RAB27A: variants seen among roughly 807,000 people sequenced by gnomAD.
The protein encoded by RAB27A is RAB27A, member RAS oncogene family, also known as ras-related protein Rab-27A.
A neutral mutation model predicts 20.8 loss-of-function variants in RAB27A; 17 were observed. The observed-to-expected ratio is 0.82, with a 90% CI of 0.56 to 1.23. The LOEUF (loss-of-function observed/expected upper bound fraction) is 1.23. Among genes scored for constraint, RAB27A ranks in the 50% most tolerant of loss-of-function variants. The probability of loss-of-function intolerance (pLI) is 0.00; values close to 1 mark genes in which losing one functional copy is unlikely to be tolerated. For missense variants in RAB27A, 277 were observed against 266.7 expected (o/e 1.04, Z -0.27); for synonymous variants, 85 against 92.8 (o/e 0.92, Z 0.48).
At chr15:55,230,306 A>G (rs1468924215) in intron 4 of RAB27A, 95 bp downstream of exon 4, 22 of 1,223,930 alleles carry the variant, frequency 1.8e-5, no homozygotes, top group Non-Finnish European at 2.4e-5. Flanking sequence ...AAACCAACGA[A>G]TTGGCTGGCT....
upstream of RAB27A, chr15:55,319,121 T>C (rs2055100698): frequency 1.7e-6 from 2 of 1,152,984 alleles, no homozygotes; most frequent in Non-Finnish European, 2.4e-6. Context: ...GGGTGGGAGC[T>C]ACGAAGTTGC....
intron 1 of RAB27A, among the ~76,000 whole-genome samples, chr15:55,316,969 A>G (rs1217337894): frequency 6.6e-6 from 1 of 152,188 alleles, no homozygotes; most frequent in Non-Finnish European, 1.5e-5. Context: ...TGGTTCACAT[A>G]TCTACAAACA....
At chr15:55,281,315 CT>C (rs2141120625) in intron 1 of RAB27A, among the ~76,000 whole-genome samples, 1 of 152,302 alleles carries the variant, frequency 6.6e-6, no homozygotes, top group Admixed American at 6.5e-5. Flanking sequence ...CCTGGCTATT[CT>C]TCCGAAAGGA....
chr15:55,234,099 C>A (rs1215574912), intron 3 of RAB27A, among the ~76,000 whole-genome samples: 1 of 152,154 alleles, frequency 6.6e-6, no homozygotes, highest in Non-Finnish European at 1.5e-5. Context: ...ACTGGTTTAC[C>A]TGCTTCAGGC....
chr15:55,285,874 C>A (rs911446938), intron 1 of RAB27A, among the ~76,000 whole-genome samples: 1 of 152,344 alleles, frequency 6.6e-6, no homozygotes, highest in African/African-American at 2.4e-5. Flanking sequence ...CACTGAATGG[C>A]CCTGCCCAGT....
chr15:55,210,184 T>TATGTATGTGTGTATACATACACAC (rs746618477), intron 6 of RAB27A, among the ~76,000 whole-genome samples: 7 of 132,834 alleles, frequency 5.3e-5, no homozygotes, highest in Admixed American at 4.2e-4. Context: ...CGTACACACA[T>TATGTATGTGTGTATACATACACAC]ATGTATGTGT....
intron 2 of RAB27A, among the ~76,000 whole-genome samples, chr15:55,305,256 C>T (rs2054992054): frequency 6.6e-6 from 1 of 152,148 alleles, no homozygotes; most frequent in Admixed American, 6.5e-5. Flanking sequence ...GGTTGGCCGA[C>T]AACCATTCTA....
At chr15:55,266,880 G>A (rs1897510072) in intron 2 of RAB27A, among the ~76,000 whole-genome samples, 2 of 152,190 alleles carry the variant, frequency 1.3e-5, no homozygotes, top group Admixed American at 6.5e-5. Flanking sequence ...TGTTTAATTT[G>A]CATTTGGAAA....
At chr15:55,254,539 G>C (rs998646118) in intron 2 of RAB27A, among the ~76,000 whole-genome samples, 6 of 151,956 alleles carry the variant, frequency 3.9e-5, no homozygotes, top group Non-Finnish European at 5.9e-5. Context: ...TCTGATGCTT[G>C]TAAGCATTTT....
rs1025029271 is a variant in RAB27A at position 55,203,372 on chromosome 15, G to T, written c.*2135C>A. On this transcript the variant is annotated 3_prime_UTR_variant, in exon 7 of 7. Transcript: ENST00000336787. ...TGTTGTACTGCACTGAAGTCTTATG[G>T]CAACTATATAAGGCACTGCTGTGTG... is the stretch of plus-strand genomic sequence containing the variant. 3 of 151,060 alleles carry T rather than the reference G, an allele frequency of 2.0e-5. No homozygotes were observed. The highest frequency in any genetic ancestry group is 2.9e-5 in the Non-Finnish European group (2 of 67,876). 9.4% of individuals were successfully genotyped at this position (151,060 alleles called of 1,614,324 possible).
intron 2 of RAB27A, among the ~76,000 whole-genome samples, chr15:55,236,825 G>GT (rs1468048984): frequency 6.6e-6 from 1 of 152,032 alleles, no homozygotes; most frequent in Non-Finnish European, 1.5e-5. Flanking sequence ...ATTTCCTCGA[G>GT]TATTTATCAT....
intron 6 of RAB27A, among the ~76,000 whole-genome samples, chr15:55,210,920 CATTTT>C (rs201908828): frequency 0.016 from 2,452 of 152,164 alleles, 38 homozygotes; most frequent in Middle Eastern, 0.041. Context: ...AGTTTTAATT[CATTTT>C]GAGTTGATTT....
At chr15:55,309,119 A>T (rs1054561443) in intron 2 of RAB27A, among the ~76,000 whole-genome samples, 6 of 152,208 alleles carry the variant, frequency 3.9e-5, no homozygotes, top group Admixed American at 2.0e-4. Flanking sequence ...CCATCTTACT[A>T]AATGGGTATT....
chr15:55,311,581 T>C lies in RAB27A; in HGVS notation c.-112+2458A>G, dbSNP rs188167698. 1.4e-4 allele frequency among the ~76,000 whole-genome samples: 22 copies of C among 152,284 alleles called. No individual in the cohort carries two copies. The East Asian group carries it at 2.7e-3, about 19-fold the overall frequency. ...ACACTTTTTACATAATTGTGAGTTG[T>C]CTCTTAATGAAAAGAAAGTTTGTAC... On this transcript the variant is annotated intron_variant, in intron 2 of 5. Transcript: ENST00000563262.
At position 55,212,390 on chromosome 15, in the gene RAB27A, G is replaced by A. The variant is rs193087332; in HGVS notation, c.468-6685C>T. 9.1e-4 allele frequency among the ~76,000 whole-genome samples: 139 copies of A among 152,206 alleles called. 1 individual carries two copies. Among genetic ancestry groups the A allele is most frequent in the African/African-American group, 3.1e-3 (129 of 41,522 alleles). On this transcript the variant is annotated intron_variant, in intron 6 of 6. Transcript: ENST00000336787. ...CTTATGCACTGTACAAGAAGAAAAC[G>A]CTGGCTTTGGGGAGTATTCAGAGGT...
rs1037201909 is a variant in RAB27A at position 55,214,238 on chromosome 15, C to A, written c.468-8533G>T. 4.6e-5 allele frequency among the ~76,000 whole-genome samples: 7 copies of A among 152,150 alleles called. No homozygotes were observed. The South Asian group carries it at 6.2e-4, about 14-fold the overall frequency. On this transcript the variant is annotated intron_variant, in intron 6 of 6. Transcript: ENST00000336787. The stretch of plus-strand genomic sequence containing the variant: ...GATCACGAAGTCGGGAGATCGAGAC[C>A]ATCCTGGCTAACATGGTGAAACCCC...
At chr15:55,274,612 T>C (rs1215461597) in intron 1 of RAB27A, among the ~76,000 whole-genome samples, 1 of 150,426 alleles carries the variant, frequency 6.6e-6, no homozygotes, top group East Asian at 2.0e-4. Flanking sequence ...ACCCCGTTTC[T>C]ATTAAAAACA....
chr15:55,290,092 G>A (rs1451489128), upstream of RAB27A: 2 of 152,340 alleles, frequency 1.3e-5, no homozygotes, highest in Non-Finnish European at 2.9e-5. Context: ...GACACAGGAG[G>A]GACATTTACA....
intron 2 of RAB27A, among the ~76,000 whole-genome samples, chr15:55,313,379 T>C (rs529493125): frequency 6.6e-6 from 1 of 152,220 alleles, no homozygotes; most frequent in East Asian, 1.9e-4. Context: ...CAAGCCTGGG[T>C]GACAGAGCGA....
Sources: allele counts gnomAD v4.1 joint callset (sites outside exome capture counted in the v4.1 genomes callset), GRCh38; gene constraint gnomAD v4.1.1; transcripts MANE v1.5; gene names NCBI Gene and HGNC (gene_info 2026-07-23, HGNC 2026-07-21).